The following PLAC1 variants were observed in gnomAD, a reference collection of about 807,000 sequenced individuals.
PLAC1 encodes the protein placenta associated 1.
For missense variants in PLAC1, 136 were observed against 163.2 expected, an observed-to-expected ratio of 0.83 and a Z score of 0.91; for synonymous variants, 68 against 62.1, an observed-to-expected ratio of 1.09 and a Z score of -0.44.
At chrX:134,711,823 C>G (rs1239405702) in intron 2 of PLAC1, among the ~76,000 whole-genome samples, 1 of 110,724 alleles carries the variant, frequency 9.0e-6, no homozygotes, top group Non-Finnish European at 1.9e-5. Flanking sequence ...AGGGCCTCCT[C>G]CCTCCCATCA....
intron 1 of PLAC1, among the ~76,000 whole-genome samples, chrX:134,746,460 A>G (rs1404997979): frequency 9.0e-6 from 1 of 111,658 alleles, no homozygotes; most frequent in East Asian, 2.8e-4. Flanking sequence ...TGGTAAAGGC[A>G]GATGTAGAGG....
intron 1 of PLAC1, among the ~76,000 whole-genome samples, chrX:134,743,978 A>C (rs759620153): frequency 8.9e-6 from 1 of 112,629 alleles, no homozygotes; most frequent in South Asian, 3.7e-4. Flanking sequence ...TAAGTTCTTT[A>C]GGCCATCAGA....
At chrX:134,607,947 G>A (rs559317610) in intron 1 of PLAC1, among the ~76,000 whole-genome samples, 38 of 111,863 alleles carry the variant, frequency 3.4e-4, no homozygotes, top group Middle Eastern at 4.6e-3. Context: ...GCAGGCTCAT[G>A]ACACACTGAG....
intron 2 of PLAC1, among the ~76,000 whole-genome samples, chrX:134,593,789 G>A (rs1425599426): frequency 9.0e-6 from 1 of 111,287 alleles, no homozygotes; most frequent in Non-Finnish European, 1.9e-5. Context: ...ATTTGTTTTA[G>A]GAGTTTAAAA....
rs748640947 is a variant in PLAC1, at chrX:134,587,001, A to G, written c.-59+15050T>C. Among the ~76,000 whole-genome samples, 65 of 110,514 alleles carry G rather than the reference A, an allele frequency of 5.9e-4. 1 individual carries two copies. The highest frequency in any genetic ancestry group is 1.9e-3 in the African/African-American group (59 of 30,430). On this transcript the variant is annotated intron_variant, in intron 2 of 2. Coordinates refer to ENST00000359237, the MANE Select transcript of PLAC1 (RefSeq NM_021796.4). ...GCATGAGACACCGCGCCCAGCCCACATTAACATTTATGGAGTACTAACAAC... is the reference window on the plus strand; with the variant it reads ...GCATGAGACACCGCGCCCAGCCCACGTTAACATTTATGGAGTACTAACAAC...
chrX:134,705,004 A>ATATATATATATATT (rs1490455652), intron 2 of PLAC1, among the ~76,000 whole-genome samples: 3 of 96,732 alleles, frequency 3.1e-5, no homozygotes, highest in African/African-American at 1.3e-4. Flanking sequence ...AAAAAATTAT[A>ATATATATATATATT]TATATATATA....
rs746419370 is a variant in PLAC1 at position 134,602,989 on chromosome X, A to G, written c.-130-867T>C. Among the ~76,000 whole-genome samples the G allele has an allele frequency of 1.9e-4, 20 of 107,187 alleles. No homozygotes were observed. In the South Asian group the frequency reaches 4.3e-3, roughly 23 times the overall value. The allele number at this position is 107,187 out of a possible 115,157, so 93.1% of individuals were successfully genotyped here. A position where few individuals can be genotyped will look rare whatever the true frequency, so the allele number is the denominator to read the frequency against. On this transcript the variant is annotated intron_variant, in intron 1 of 2. Transcript: ENST00000359237. ...AAAGTGAATTTTTAAAAATCTCATA[A>G]AATATTGCTATCAACCATGGGGAGG...
chrX:134,576,024 A>G (rs1368973214), intron 2 of PLAC1, among the ~76,000 whole-genome samples: 2 of 108,440 alleles, frequency 1.8e-5, no homozygotes, highest in African/African-American at 6.6e-5. Flanking sequence ...CTGGTAATCT[A>G]TCTTCCCTTA....
chrX:134,582,240 G>A (rs932947442), intron 2 of PLAC1, among the ~76,000 whole-genome samples: 3 of 112,340 alleles, frequency 2.7e-5, no homozygotes, highest in Non-Finnish European at 5.6e-5. Context: ...ATTAAAGAAG[G>A]TCATGTTTAT....
intron 2 of PLAC1, among the ~76,000 whole-genome samples, chrX:134,574,091 C>T (rs2077924990): frequency 1.2e-5 from 1 of 86,874 alleles, no homozygotes; most frequent in African/African-American, 7.9e-5. Flanking sequence ...CTCTCTCTCT[C>T]ACACACACAC....
At chrX:134,612,558 T>C (rs1351374473) in intron 1 of PLAC1, among the ~76,000 whole-genome samples, 2 of 111,630 alleles carry the variant, frequency 1.8e-5, no homozygotes, top group Non-Finnish European at 3.8e-5. Context: ...AGTTTTAGCC[T>C]GGGGCTCCCA....
At chrX:134,587,095 G>C (rs1341127528) in intron 2 of PLAC1, among the ~76,000 whole-genome samples, 1 of 110,477 alleles carries the variant, frequency 9.1e-6, no homozygotes, top group African/African-American at 3.3e-5. Context: ...TCTGAGGTAG[G>C]GACTGTTATT....
At chrX:134,566,815 G>C in intron 2 of PLAC1, 75 bp from the exon 3 acceptor site, 1 of 489,575 alleles carries the variant, frequency 2.0e-6, no homozygotes, top group Non-Finnish European at 3.4e-6. Flanking sequence ...TATTTTTTAA[G>C]CAAAGGGCTG....
chrX:134,657,755 A>C (rs1043094357), intron 1 of PLAC1, among the ~76,000 whole-genome samples: 2 of 111,104 alleles, frequency 1.8e-5, no homozygotes, highest in Non-Finnish European at 3.8e-5. Flanking sequence ...AGCAGCTCAC[A>C]ATGGATTTAG....
chrX:134,569,533 T>A (rs2077894472), intron 2 of PLAC1, among the ~76,000 whole-genome samples: 1 of 111,224 alleles, frequency 9.0e-6, no homozygotes, highest in African/African-American at 3.3e-5. Context: ...AAAGAAGAGG[T>A]CACTGAGACC....
At chrX:134,666,847 G>A (rs967014583) in intron 2 of PLAC1, among the ~76,000 whole-genome samples, 10 of 111,641 alleles carry the variant, frequency 9.0e-5, no homozygotes, top group African/African-American at 2.9e-4. Context: ...TTTTCTGTCA[G>A]TTAAAAATGT....
chrX:134,759,134 G>A (rs865921335), intron 1 of PLAC1, among the ~76,000 whole-genome samples: 2 of 110,710 alleles, frequency 1.8e-5, no homozygotes, highest in East Asian at 2.8e-4. Context: ...AGATGTTGGT[G>A]AGGATGCAGA....
chrX:134,636,864 T>C (rs2078285746), intron 1 of PLAC1, among the ~76,000 whole-genome samples: 1 of 111,984 alleles, frequency 8.9e-6, no homozygotes, highest in Admixed American at 9.4e-5. Context: ...ATCTCCACCA[T>C]CCATCAAAAT....
chrX:134,648,646 A>G (rs1197840795), intron 1 of PLAC1, among the ~76,000 whole-genome samples: 2 of 111,938 alleles, frequency 1.8e-5, no homozygotes, highest in Admixed American at 9.4e-5. Context: ...AGATTGTGCC[A>G]TGGCACTCCA....
Sources: gnomAD v4.1 joint callset for allele counts (sites outside exome capture counted in the v4.1 genomes callset) on GRCh38, gnomAD v4.1.1 for gene constraint, MANE v1.5 for transcripts, NCBI Gene and HGNC (gene_info 2026-07-23, HGNC 2026-07-21) for gene names.